DPP6: variants seen among roughly 807,000 people sequenced by gnomAD.
The protein encoded by DPP6 is A-type potassium channel modulatory protein DPP6.
DPP6 carries 69 observed loss-of-function variants against 122.6 expected under a neutral mutation model. The observed-to-expected ratio is 0.56, with a 90% CI of 0.46 to 0.69. The LOEUF is 0.69. Ranked by LOEUF, DPP6 falls within the 30% of genes least tolerant of loss-of-function variation. The pLI is 0.00. For synonymous variants in DPP6, 418 were observed against 433.1 expected (o/e 0.97, Z 0.43); for missense variants, 928 against 1,116.9 (o/e 0.83, Z 2.41).
intron 3 of DPP6, among the ~76,000 whole-genome samples, chr7:154,511,839 C>G (rs1826115519): frequency 6.6e-6 from 1 of 152,168 alleles, no homozygotes; most frequent in Non-Finnish European, 1.5e-5. Context: ...TGGATTTATT[C>G]AAACATTAGT....
chr7:153,900,397 T>G (rs895584686), intron 1 of DPP6, among the ~76,000 whole-genome samples: 2 of 152,146 alleles, frequency 1.3e-5, no homozygotes, highest in African/African-American at 4.8e-5. Flanking sequence ...AGAGGTTTAT[T>G]TTGCTCACGG....
At chr7:154,745,355 A>G (rs932734248) in intron 8 of DPP6, among the ~76,000 whole-genome samples, 2 of 152,200 alleles carry the variant, frequency 1.3e-5, no homozygotes, top group African/African-American at 4.8e-5. Context: ...ATAACAAATA[A>G]TGTAAGCAGA....
chr7:154,599,140 G>A (rs545883989), intron 5 of DPP6, among the ~76,000 whole-genome samples: 2 of 152,274 alleles, frequency 1.3e-5, no homozygotes, highest in East Asian at 1.9e-4. Flanking sequence ...ATGTGTACTT[G>A]CAAATAAATA....
chr7:153,915,724 G>A (rs975192891), intron 1 of DPP6, among the ~76,000 whole-genome samples: 1 of 152,186 alleles, frequency 6.6e-6, no homozygotes, highest in Non-Finnish European at 1.5e-5. Context: ...CTGCTCCTGT[G>A]ACTTGCTTAT....
intron 22 of DPP6, among the ~76,000 whole-genome samples, chr7:154,886,734 A>C (rs1258593981): frequency 6.6e-6 from 1 of 152,152 alleles, no homozygotes; most frequent in African/African-American, 2.4e-5. Context: ...GAACGAGTCC[A>C]GCCCCCATTG....
At chr7:154,546,488 TAA>T (rs34283278) in intron 4 of DPP6, among the ~76,000 whole-genome samples, 11,207 of 144,520 alleles carry the variant, frequency 0.078, 1,296 homozygotes, top group African/African-American at 0.25. Flanking sequence ...GTCGATTATT[TAA>T]AAAAAAAAAA....
intron 1 of DPP6, among the ~76,000 whole-genome samples, chr7:153,911,485 C>T (rs1800091300): frequency 6.6e-6 from 1 of 152,260 alleles, no homozygotes; most frequent in South Asian, 2.1e-4. Context: ...AGATGCTCTC[C>T]CAAATTTAGA....
intron 1 of DPP6, among the ~76,000 whole-genome samples, chr7:154,180,668 A>T (rs749416622): frequency 6.6e-6 from 1 of 151,708 alleles, no homozygotes; most frequent in Non-Finnish European, 1.5e-5. Flanking sequence ...AATGTGGGCG[A>T]TGAAACTTCA....
intron 1 of DPP6, among the ~76,000 whole-genome samples, chr7:153,965,772 C>T (rs1795677577): frequency 6.6e-6 from 1 of 151,968 alleles, no homozygotes; most frequent in Non-Finnish European, 1.5e-5. Flanking sequence ...AGGCGGATCA[C>T]GAGGTCAGGA....
chr7:154,861,826 T>C (rs979431590), intron 17 of DPP6, among the ~76,000 whole-genome samples: 2 of 152,196 alleles, frequency 1.3e-5, no homozygotes, highest in African/African-American at 4.8e-5. Context: ...GGTTTTTCCC[T>C]CCTTTTGGTG....
intron 1 of DPP6, among the ~76,000 whole-genome samples, chr7:153,954,995 G>T (rs944075220): frequency 6.6e-6 from 1 of 152,222 alleles, no homozygotes; most frequent in Non-Finnish European, 1.5e-5. Context: ...GTGATGGTTG[G>T]TGGGTGTGTA....
chr7:154,386,777 C>T (rs1037062491), intron 1 of DPP6, among the ~76,000 whole-genome samples: 2 of 152,178 alleles, frequency 1.3e-5, no homozygotes, highest in Non-Finnish European at 2.9e-5. Context: ...TAGCTGGAGA[C>T]ATATGCCATT....
At chr7:153,840,900 C>T in the DPP6 span, among the ~76,000 whole-genome samples, 6 of 152,202 alleles carry the variant, frequency 3.9e-5, no homozygotes, top group Admixed American at 6.5e-5. Flanking sequence ...GAGGGTTTCT[C>T]GTCTGAGCTG....
intron 1 of DPP6, among the ~76,000 whole-genome samples, chr7:154,278,285 A>G (rs1158649769): frequency 6.6e-6 from 1 of 152,140 alleles, no homozygotes; most frequent in East Asian, 1.9e-4. Flanking sequence ...CTAACTCAGA[A>G]CCCTTTGACT....
At chr7:153,806,517 T>C in the DPP6 span, among the ~76,000 whole-genome samples, 2 of 151,536 alleles carry the variant, frequency 1.3e-5, no homozygotes, top group African/African-American at 4.9e-5. Context: ...CAGTCTAAGC[T>C]CCTGCAATTC....
intron 1 of DPP6, among the ~76,000 whole-genome samples, chr7:154,159,584 C>T (rs1199952532): frequency 6.6e-6 from 1 of 152,226 alleles, no homozygotes; most frequent in East Asian, 1.9e-4. Context: ...ATTACTCTCT[C>T]CTCTCAACAA....
chr7:154,390,986 C>T (rs1169490756), intron 1 of DPP6, among the ~76,000 whole-genome samples: 1 of 152,252 alleles, frequency 6.6e-6, no homozygotes, highest in East Asian at 1.9e-4. Context: ...TTTACTTCTC[C>T]GCACCTCAAT....
At chr7:154,320,768 G>A (rs1228527768) in intron 1 of DPP6, among the ~76,000 whole-genome samples, 5 of 152,196 alleles carry the variant, frequency 3.3e-5, no homozygotes, top group African/African-American at 4.8e-5. Context: ...TTACAGGCGT[G>A]AGCCACTGTG....
chr7:154,077,094 T>A (rs1803611435), intron 1 of DPP6, among the ~76,000 whole-genome samples: 1 of 152,220 alleles, frequency 6.6e-6, no homozygotes, highest in Non-Finnish European at 1.5e-5. Flanking sequence ...TTAAGACCTC[T>A]ATGTTTCATG....
Sources: gnomAD v4.1 joint callset for allele counts (sites outside exome capture counted in the v4.1 genomes callset) on GRCh38, gnomAD v4.1.1 for gene constraint, MANE v1.5 for transcripts, NCBI Gene and HGNC (gene_info 2026-07-23, HGNC 2026-07-21) for gene names.